Variants in MOB3B observed in about 807,000 individuals in gnomAD.
MOB3B encodes the protein MOB kinase activator-like 2B.
A neutral mutation model predicts 18.7 loss-of-function variants in MOB3B; 7 were observed. The observed-to-expected ratio is 0.37, with a 90% CI of 0.21 to 0.70. MOB3B has a LOEUF of 0.70. Among genes scored for constraint, MOB3B ranks in the 30% least tolerant of loss-of-function variants. The probability of loss-of-function intolerance (pLI) is 0.52; values close to 1 mark genes in which losing one functional copy is unlikely to be tolerated. For missense variants in MOB3B, 253 were observed against 281.3 expected (o/e 0.90, Z 0.72); for synonymous variants, 111 against 99.9 (o/e 1.11, Z -0.66).
At position 27,529,644 on chromosome 9, in the gene MOB3B, C is replaced by T. The variant is rs1820500097; in HGVS notation, c.-288G>A. On this transcript the variant is annotated 5_prime_UTR_variant, in exon 1 of 4. Coordinates refer to ENST00000262244, the MANE Select transcript of MOB3B (RefSeq NM_024761.5). ...GCGAAAGAAAATGGTGAGCTCGGGGCAGGTGGGGCGTCGCTTGCCAATCCA... is the reference window on the plus strand; with the variant it reads ...GCGAAAGAAAATGGTGAGCTCGGGGTAGGTGGGGCGTCGCTTGCCAATCCA... 5.1e-6 allele frequency: 5 copies of T among 985,426 alleles called. No homozygotes were observed. In the South Asian group the frequency reaches 2.3e-4, roughly 46 times the overall value. The allele number at this position is 985,426 out of a possible 1,614,324, so 61.0% of individuals were successfully genotyped here.
chr9:27,436,038 G>C (rs905046588), intron 2 of MOB3B, among the ~76,000 whole-genome samples: 1 of 149,388 alleles, frequency 6.7e-6, no homozygotes, highest in Admixed American at 7.5e-5. Context: ...GTTTTCTCAC[G>C]TCAGGACCTT....
At chr9:27,359,291 C>G in intron 2 of MOB3B, 55 bp from the exon 3 acceptor site, 2 of 1,512,836 alleles carry the variant, frequency 1.3e-6, no homozygotes, top group Non-Finnish European at 1.8e-6. Context: ...GATCCTTTTC[C>G]TCTTTCCTCT....
intron 2 of MOB3B, among the ~76,000 whole-genome samples, chr9:27,434,975 C>T (rs115998693): frequency 3.1e-4 from 47 of 152,240 alleles, no homozygotes; most frequent in African/African-American, 1.1e-3. Flanking sequence ...ACTGTAGACA[C>T]AGGCAGAGCT....
chr9:27,492,444 A>G (rs576661759), intron 1 of MOB3B, among the ~76,000 whole-genome samples: 7 of 152,356 alleles, frequency 4.6e-5, no homozygotes, highest in African/African-American at 1.2e-4. Context: ...ACAGCAAAGA[A>G]ATAGGCCCAG....
intron 2 of MOB3B, among the ~76,000 whole-genome samples, chr9:27,451,616 C>A (rs1231210677): frequency 6.6e-6 from 1 of 152,080 alleles, no homozygotes; most frequent in Admixed American, 6.6e-5. Flanking sequence ...GTTCTATTTC[C>A]TTGGATCACA....
chr9:27,445,237 C>T (rs1319754724), intron 2 of MOB3B, among the ~76,000 whole-genome samples: 1 of 152,184 alleles, frequency 6.6e-6, no homozygotes, highest in Non-Finnish European at 1.5e-5. Context: ...ACTTTATGTG[C>T]ATTACGTCAC....
intron 2 of MOB3B, among the ~76,000 whole-genome samples, chr9:27,370,822 C>T (rs1177029435): frequency 1.3e-5 from 2 of 152,150 alleles, no homozygotes; most frequent in African/African-American, 4.8e-5. Context: ...TGCTTGGGTT[C>T]CCCTTACTTT....
intron 1 of MOB3B, among the ~76,000 whole-genome samples, chr9:27,471,379 A>G (rs1819468674): frequency 2.0e-5 from 3 of 152,178 alleles, no homozygotes; most frequent in Non-Finnish European, 4.4e-5. Context: ...GGAATATACA[A>G]CATGGCCCTG....
At chr9:27,448,607 C>G (rs1349199700) in intron 2 of MOB3B, among the ~76,000 whole-genome samples, 1 of 152,182 alleles carries the variant, frequency 6.6e-6, no homozygotes, top group Non-Finnish European at 1.5e-5. Flanking sequence ...GGGTCCCTCC[C>G]ACCATGCGTG....
At chr9:27,493,220 G>A (rs1819846539) in intron 1 of MOB3B, among the ~76,000 whole-genome samples, 1 of 152,160 alleles carries the variant, frequency 6.6e-6, no homozygotes, top group South Asian at 2.1e-4. Flanking sequence ...CCCAAACGGA[G>A]GGACCGGCTG....
At chr9:27,504,222 AG>A (rs1820027300) in intron 1 of MOB3B, among the ~76,000 whole-genome samples, 1 of 152,224 alleles carries the variant, frequency 6.6e-6, no homozygotes, top group South Asian at 2.1e-4. Flanking sequence ...GGACATGGCT[AG>A]GCTGCCTGTC....
chr9:27,343,512 C>T (rs117517850), intron 3 of MOB3B, among the ~76,000 whole-genome samples: 4,357 of 141,000 alleles, frequency 0.031, 86 homozygotes, highest in Non-Finnish European at 0.043. Flanking sequence ...AACTAAACCT[C>T]TTTGGCTTTC....
At chr9:27,501,544 G>A (rs941783174) in intron 1 of MOB3B, among the ~76,000 whole-genome samples, 3 of 148,596 alleles carry the variant, frequency 2.0e-5, no homozygotes, top group Non-Finnish European at 4.5e-5. Context: ...GATGGGAACT[G>A]AACAATGAAA....
chr9:27,360,497 T>C (rs1821259504), intron 2 of MOB3B, among the ~76,000 whole-genome samples: 1 of 152,172 alleles, frequency 6.6e-6, no homozygotes, highest in Non-Finnish European at 1.5e-5. Flanking sequence ...AGAGTGAGAC[T>C]CCGTCTCAAA....
chr9:27,476,206 T>C (rs938439557), intron 1 of MOB3B, among the ~76,000 whole-genome samples: 4 of 152,212 alleles, frequency 2.6e-5, no homozygotes, highest in Non-Finnish European at 5.9e-5. Flanking sequence ...AGGCCTGCCA[T>C]AACAAAGTAC....
At chr9:27,385,663 AG>A (rs955377515) in intron 2 of MOB3B, among the ~76,000 whole-genome samples, 10 of 152,250 alleles carry the variant, frequency 6.6e-5, no homozygotes, top group Non-Finnish European at 1.2e-4. Flanking sequence ...GGGCAGGTCC[AG>A]GAACGGGACT....
chr9:27,400,494 T>G (rs1173486081), intron 2 of MOB3B, among the ~76,000 whole-genome samples: 1 of 152,202 alleles, frequency 6.6e-6, no homozygotes, highest in African/African-American at 2.4e-5. Context: ...CTTTCAAGAC[T>G]CAGCTCAAAA....
intron 1 of MOB3B, among the ~76,000 whole-genome samples, chr9:27,522,267 G>A (rs551693540): frequency 0.018 from 1,433 of 81,608 alleles, no homozygotes; most frequent in Middle Eastern, 0.027. Context: ...AAAAAAAAAA[G>A]AAAAGAAAGA....
chr9:27,490,910 G>A (rs1465837421), intron 1 of MOB3B, among the ~76,000 whole-genome samples: 1 of 151,844 alleles, frequency 6.6e-6, no homozygotes, highest in Non-Finnish European at 1.5e-5. Flanking sequence ...AAGGAGAAAT[G>A]TAACAACAAT....
Sources: gnomAD v4.1 joint callset for allele counts (sites outside exome capture counted in the v4.1 genomes callset) on GRCh38, gnomAD v4.1.1 for gene constraint, MANE v1.5 for transcripts, NCBI Gene and HGNC (gene_info 2026-07-23, HGNC 2026-07-21) for gene names.